The following RANBP2 variants were observed in gnomAD, a reference collection of about 807,000 sequenced individuals.
RANBP2 encodes the protein E3 SUMO-protein ligase RanBP2.
Under a neutral mutation model 303.6 loss-of-function variants are expected in RANBP2, and 57 were observed. The observed-to-expected ratio is 0.19, with a 90% confidence interval of 0.15 to 0.23. The LOEUF (loss-of-function observed/expected upper bound fraction) is 0.23. Ranked by LOEUF, RANBP2 falls within the 10% of genes least tolerant of loss-of-function variation. RANBP2 has a pLI of 1.00. For synonymous variants in RANBP2, 1,167 were observed against 1,301.5 expected (o/e 0.90, Z 2.23); for missense variants, 3,138 against 3,780.8 (o/e 0.83, Z 4.46).
chr2:109,672,122 G>T, the RANBP2 span, among the ~76,000 whole-genome samples: 4 of 152,060 alleles, frequency 2.6e-5, no homozygotes, highest in Admixed American at 2.6e-4. Context: ...TAAAATATTG[G>T]TCCATTACCA....
chr2:109,402,128 G>A, the RANBP2 span, among the ~76,000 whole-genome samples: 2 of 152,364 alleles, frequency 1.3e-5, no homozygotes, highest in South Asian at 4.1e-4. Flanking sequence ...GGGCTCCAGT[G>A]TGCTGCTATG....
chr2:109,345,884 C>T, the RANBP2 span, among the ~76,000 whole-genome samples: 1 of 152,142 alleles, frequency 6.6e-6, no homozygotes, highest in East Asian at 1.9e-4. Flanking sequence ...GGCAGTGTCC[C>T]TGGTCTTTAC....
At chr2:109,675,113 A>C in the RANBP2 span, among the ~76,000 whole-genome samples, 1 of 152,166 alleles carries the variant, frequency 6.6e-6, no homozygotes, top group Admixed American at 6.5e-5. Context: ...GACCACAGGC[A>C]TGTGCCACCA....
the RANBP2 span, among the ~76,000 whole-genome samples, chr2:109,162,363 A>G: frequency 8.8e-4 from 134 of 152,136 alleles, no homozygotes; most frequent in Non-Finnish European, 1.7e-3. Context: ...GGCCTCTCTC[A>G]TTTTTCCCCT....
the RANBP2 span, chr2:109,544,114 TTGTAG>T: frequency 1.3e-6 from 2 of 1,511,268 alleles, no homozygotes; most frequent in Non-Finnish European, 1.8e-6. Context: ...GATGCTCAAC[TTGTAG>T]TATCATTCAC....
At chr2:109,338,756 C>A in the RANBP2 span, among the ~76,000 whole-genome samples, 23 of 152,148 alleles carry the variant, frequency 1.5e-4, no homozygotes, top group Non-Finnish European at 4.4e-5. Context: ...TGGAGTTTCA[C>A]CATGTTGGCC....
chr2:108,735,450 G>T, intron 4 of RANBP2, 82 bp from the exon 5 acceptor site: 1 of 1,596,900 alleles, frequency 6.3e-7, no homozygotes, highest in South Asian at 1.1e-5. Context: ...AGACATAGTG[G>T]AATGGTGCTC....
the RANBP2 span, among the ~76,000 whole-genome samples, chr2:109,508,673 A>G: frequency 3.3e-5 from 5 of 152,164 alleles, no homozygotes; most frequent in African/African-American, 9.6e-5. Flanking sequence ...GACAGCCAGG[A>G]AGTGTCACAT....
At chr2:109,400,690 A>T in the RANBP2 span, among the ~76,000 whole-genome samples, 10 of 151,720 alleles carry the variant, frequency 6.6e-5, no homozygotes. Context: ...TGGTGGATAC[A>T]CACCTGCACG....
chr2:109,701,126 C>T, the RANBP2 span, among the ~76,000 whole-genome samples: 1 of 152,110 alleles, frequency 6.6e-6, no homozygotes, highest in East Asian at 1.9e-4. Flanking sequence ...AAGATCTGTC[C>T]CCTTGTGCAG....
the RANBP2 span, among the ~76,000 whole-genome samples, chr2:109,330,329 T>C: frequency 6.6e-6 from 1 of 152,250 alleles, no homozygotes; most frequent in Non-Finnish European, 1.5e-5. Flanking sequence ...ATTCTTCTCT[T>C]GTGCCTATCT....
Position 108,751,956 on chromosome 2 carries a change from G to T in RANBP2, c.1717G>T (p.Ala573Ser), listed in dbSNP as rs1410658120. 1 of 1,611,782 alleles carries T rather than the reference G, an allele frequency of 6.2e-7. No individual in the cohort carries two copies. Among genetic ancestry groups the T allele is most frequent in the African/African-American group, 1.3e-5 (1 of 74,826 alleles). ...RAQEKHGLQP[A>S]LLVHWAECLQ... ...CCAGGAAAAACATGGCCTTCAACCT[G>T]CTCTGCTTGTACATTGGGCAGAATG... Residue 573 changes from alanine (A) to serine (S), a missense_variant, in exon 12 of 29, where the codon GCT (alanine) becomes TCT (serine). Ala to Ser is a moderately conservative substitution (Grantham distance 99, BLOSUM62 1). Transcript: ENST00000283195.
chr2:109,214,827 A>G, the RANBP2 span, among the ~76,000 whole-genome samples: 1 of 152,192 alleles, frequency 6.6e-6, no homozygotes, highest in South Asian at 2.1e-4. Flanking sequence ...TGTATATTGG[A>G]GACTGAGTTC....
chr2:109,021,033 G>A, the RANBP2 span, among the ~76,000 whole-genome samples: 1 of 152,190 alleles, frequency 6.6e-6, no homozygotes, highest in African/African-American at 2.4e-5. Flanking sequence ...TGCCTCTGAA[G>A]CAGAAACTCT....
the RANBP2 span, among the ~76,000 whole-genome samples, chr2:109,115,313 C>G: frequency 4.6e-5 from 7 of 152,072 alleles, no homozygotes; most frequent in Non-Finnish European, 8.8e-5. Flanking sequence ...ACTGGGTGCT[C>G]CTGTATTGGG....
the RANBP2 span, chr2:109,585,239 G>A: frequency 5.0e-6 from 8 of 1,612,358 alleles, no homozygotes; most frequent in Non-Finnish European, 6.8e-6. Flanking sequence ...TAACATTTGG[G>A]CAAAAATGTG....
chr2:109,139,155 G>T, the RANBP2 span, among the ~76,000 whole-genome samples: 1 of 152,170 alleles, frequency 6.6e-6, no homozygotes, highest in African/African-American at 2.4e-5. Flanking sequence ...TCCCAAATCT[G>T]CGTAACTTAA....
chr2:108,759,424 C>T (rs1371997104), intron 18 of RANBP2, among the ~76,000 whole-genome samples: 6 of 152,168 alleles, frequency 3.9e-5, no homozygotes, highest in Middle Eastern at 6.8e-3. Flanking sequence ...TCCCAGGCAG[C>T]GAGAAATAAC....
chr2:109,307,093 T>C, the RANBP2 span, among the ~76,000 whole-genome samples: 1 of 152,222 alleles, frequency 6.6e-6, no homozygotes, highest in South Asian at 2.1e-4. Context: ...CAACAGACAT[T>C]CTTTATTTCT....
Sources: allele counts gnomAD v4.1 joint callset (sites outside exome capture counted in the v4.1 genomes callset), GRCh38; gene constraint gnomAD v4.1.1; transcripts MANE v1.5; gene names NCBI Gene and HGNC (gene_info 2026-07-23, HGNC 2026-07-21).